RIN2: variants seen among roughly 807,000 people sequenced by gnomAD.
RIN2 encodes Ras and Rab interactor 2.
A neutral mutation model predicts 78.0 loss-of-function variants in RIN2; 36 were observed. The ratio of observed to expected loss-of-function variants is 0.46; its 90% CI spans 0.35 to 0.61. RIN2 has a LOEUF of 0.61. RIN2 is among the 20% of genes least tolerant of loss of function. RIN2 has a pLI of 0.00. For synonymous variants in RIN2, 466 were observed against 466.8 expected (o/e 1.00, Z 0.02); for missense variants, 1,087 against 1,159.7 (o/e 0.94, Z 0.91).
rs5840858 is a variant in RIN2 at position 19,834,947 on chromosome 20, AAGAGAGAG to A, written c.-37+35214_-37+35221del. ...CAACAGAGCAGGACCCTGTGAAGAA[AAGAGAGAG>A]AGAGAGAGAGAGAAAGAAAGAAAGG... is the stretch of plus-strand genomic sequence containing the variant. On this transcript the variant is annotated intron_variant, in intron 2 of 12. Transcript: ENST00000255006. Among the ~76,000 whole-genome samples the A allele has an allele frequency of 1.9e-4, 27 of 143,738 alleles. 1 individual carries two copies. The highest frequency in any genetic ancestry group is 1.2e-3 in the Admixed American group (17 of 13,948). The allele number at this position is 143,738 out of a possible 152,430, so 94.3% of individuals were successfully genotyped here. A position where few individuals can be genotyped will look rare whatever the true frequency, so the allele number is the denominator to read the frequency against.
intron 4 of RIN2, among the ~76,000 whole-genome samples, chr20:19,954,040 G>A (rs1013947940): frequency 4.6e-5 from 7 of 152,206 alleles, no homozygotes; most frequent in African/African-American, 1.7e-4. Context: ...CCTGCAGAAA[G>A]TCACGAAGGT....
At chr20:19,947,364 A>C (rs1273241216) in intron 4 of RIN2, among the ~76,000 whole-genome samples, 1 of 152,202 alleles carries the variant, frequency 6.6e-6, no homozygotes, top group Non-Finnish European at 1.5e-5. Context: ...TTTAAAATTA[A>C]AAATTTAAAT....
intron 2 of RIN2, chr20:19,886,517 C>T (rs2038197432): frequency 1.7e-6 from 1 of 577,106 alleles, no homozygotes; most frequent in African/African-American, 1.9e-5. Flanking sequence ...GCTCCGTTTA[C>T]ATTCTTTCAG....
At chr20:19,776,923 G>A (rs574802857) in intron 1 of RIN2, among the ~76,000 whole-genome samples, 104 of 152,224 alleles carry the variant, frequency 6.8e-4, no homozygotes, top group South Asian at 6.2e-4. Flanking sequence ...TGACACCTTG[G>A]TCACATGTTC....
At chr20:19,912,296 G>GC (rs1429979525) in intron 3 of RIN2, among the ~76,000 whole-genome samples, 3 of 151,994 alleles carry the variant, frequency 2.0e-5, no homozygotes, top group African/African-American at 7.3e-5. Flanking sequence ...GTTCAACTGT[G>GC]CTCTCACCAC....
chr20:19,915,698 G>A (rs572901098), intron 3 of RIN2, among the ~76,000 whole-genome samples: 9 of 152,248 alleles, frequency 5.9e-5, no homozygotes, highest in South Asian at 4.2e-4. Context: ...TCACAAGACC[G>A]AAAATGGCTG....
At chr20:19,893,029 A>G (rs185556452) in intron 3 of RIN2, among the ~76,000 whole-genome samples, 12 of 152,360 alleles carry the variant, frequency 7.9e-5, no homozygotes, top group Non-Finnish European at 1.6e-4. Flanking sequence ...GGTAGCAAAT[A>G]AAGATATTAA....
chr20:19,882,820 G>A (rs2038065214), intron 2 of RIN2, among the ~76,000 whole-genome samples: 1 of 152,032 alleles, frequency 6.6e-6, no homozygotes, highest in South Asian at 2.1e-4. Flanking sequence ...GGAAAATTCT[G>A]GGGGAGATTT....
At chr20:19,989,465 G>C (rs1290252683) in intron 9 of RIN2, among the ~76,000 whole-genome samples, 19 of 151,836 alleles carry the variant, frequency 1.3e-4, no homozygotes, top group Admixed American at 1.2e-3. Flanking sequence ...TAGTAGAGAT[G>C]GGGTTTCACT....
upstream of RIN2, chr20:19,757,708 T>C (rs1047716006): frequency 4.6e-5 from 7 of 152,248 alleles, no homozygotes; most frequent in African/African-American, 1.7e-4. Context: ...GGATCTGTAG[T>C]TGGGCGGAGG....
At chr20:19,920,988 G>A (rs986757120) in intron 3 of RIN2, among the ~76,000 whole-genome samples, 1 of 151,492 alleles carries the variant, frequency 6.6e-6, no homozygotes, top group Non-Finnish European at 1.5e-5. Context: ...AGTTTTTTGG[G>A]TTGTTTGTTT....
At chr20:19,886,474 G>A (rs2038194171) in intron 2 of RIN2, 2 of 519,734 alleles carry the variant, frequency 3.8e-6, no homozygotes, top group South Asian at 6.3e-5. Flanking sequence ...GTCACTTCCT[G>A]CCTTTGTCCA....
intron 3 of RIN2, among the ~76,000 whole-genome samples, chr20:19,927,695 G>A (rs1284622805): frequency 3.3e-5 from 5 of 151,906 alleles, no homozygotes; most frequent in African/African-American, 7.3e-5. Flanking sequence ...GATTACAAGC[G>A]TGAGCCACCA....
At chr20:19,963,920 GTGGCTCTATCT>G in intron 6 of RIN2, among the ~76,000 whole-genome samples, 1 of 141,578 alleles carries the variant, frequency 7.1e-6, no homozygotes, top group African/African-American at 2.7e-5. Flanking sequence ...CTAGAGTGCA[GTGGCTCTATCT>G]TGGCTCACTG....
chr20:19,769,613 CGTT>C (rs2034036548), intron 1 of RIN2, among the ~76,000 whole-genome samples: 2 of 152,150 alleles, frequency 1.3e-5, no homozygotes, highest in African/African-American at 2.4e-5. Context: ...AGATGAAGCA[CGTT>C]GTTGTTACCA....
chr20:19,763,731 A>C (rs1003758003), intron 1 of RIN2, among the ~76,000 whole-genome samples: 1 of 152,070 alleles, frequency 6.6e-6, no homozygotes, highest in Non-Finnish European at 1.5e-5. Flanking sequence ...GGTTGTAAGA[A>C]CCTCCATTAC....
chr20:19,922,365 T>C (rs561116152), intron 3 of RIN2, among the ~76,000 whole-genome samples: 2 of 152,232 alleles, frequency 1.3e-5, no homozygotes, highest in African/African-American at 4.8e-5. Flanking sequence ...GATGCGCTTC[T>C]CTTGTCCTGA....
At chr20:19,838,123 CT>C (rs1445742581) in intron 2 of RIN2, among the ~76,000 whole-genome samples, 2 of 152,268 alleles carry the variant, frequency 1.3e-5, no homozygotes, top group African/African-American at 2.4e-5. Context: ...CTATTTCCAT[CT>C]TCTTTTAACA....
chr20:19,899,808 C>T (rs978105090), intron 3 of RIN2, among the ~76,000 whole-genome samples: 3 of 152,164 alleles, frequency 2.0e-5, no homozygotes, highest in African/African-American at 7.2e-5. Flanking sequence ...GAATGGTACC[C>T]CATCACTTCT....
Sources: allele counts gnomAD v4.1 joint callset (sites outside exome capture counted in the v4.1 genomes callset), GRCh38; gene constraint gnomAD v4.1.1; transcripts MANE v1.5; gene names NCBI Gene and HGNC (gene_info 2026-07-23, HGNC 2026-07-21).